Variants in SPATA13 observed in about 807,000 individuals in gnomAD.
SPATA13 encodes spermatogenesis-associated protein 13.
Under a neutral mutation model 104.0 loss-of-function variants are expected in SPATA13, and 50 were observed. The ratio of observed to expected loss-of-function variants is 0.48; its 90% CI spans 0.38 to 0.61. The LOEUF (loss-of-function observed/expected upper bound fraction) is 0.61, where lower values mean the gene tolerates loss of function less well. Ranked by LOEUF, SPATA13 falls within the 20% of genes least tolerant of loss-of-function variation. SPATA13 has a pLI of 0.00. For missense variants in SPATA13, 1,524 were observed against 1,690.6 expected, an observed-to-expected ratio of 0.90 and a Z score of 1.73; for synonymous variants, 606 against 667.5, an observed-to-expected ratio of 0.91 and a Z score of 1.42.
chr13:24,237,397 A>G (rs1872623286), intron 2 of SPATA13, among the ~76,000 whole-genome samples: 1 of 152,198 alleles, frequency 6.6e-6, no homozygotes, highest in Non-Finnish European at 1.5e-5. Context: ...ATGCTGCAGC[A>G]TGGCTGAACC....
intron 1 of SPATA13, among the ~76,000 whole-genome samples, chr13:24,186,276 A>G (rs1869144822): frequency 6.6e-6 from 1 of 152,224 alleles, no homozygotes; most frequent in Non-Finnish European, 1.5e-5. Context: ...TTGCAAAGCA[A>G]AAGTAGAAAA....
At chr13:24,247,089 T>C (rs1475950961) in intron 2 of SPATA13, among the ~76,000 whole-genome samples, 2 of 152,220 alleles carry the variant, frequency 1.3e-5, no homozygotes, top group Non-Finnish European at 2.9e-5. Context: ...TTCAGTTCTT[T>C]TGAGAGGCTC....
At chr13:24,044,233 C>CTTTTTTTTT (rs67709070) in intron 3 of SPATA13, among the ~76,000 whole-genome samples, 2 of 123,010 alleles carry the variant, frequency 1.6e-5, no homozygotes, top group Non-Finnish European at 3.2e-5. Context: ...TTCTTTCTTT[C>CTTTTTTTTT]TTTTTTTTTT....
At chr13:24,220,400 T>G (rs997541437) in intron 1 of SPATA13, among the ~76,000 whole-genome samples, 4 of 152,202 alleles carry the variant, frequency 2.6e-5, no homozygotes, top group African/African-American at 9.7e-5. Flanking sequence ...AGAAGACCAT[T>G]ACTACTAATG....
In SPATA13 at chr13:24,205,509, C is replaced by G. The variant is rs2138579016; in HGVS notation, c.-111-17310C>G. Among the ~76,000 whole-genome samples the G allele has an allele frequency of 6.6e-6, 1 of 152,246 alleles. No individual in the cohort carries two copies. Among genetic ancestry groups the G allele is most frequent in the East Asian group, 1.9e-4 (1 of 5,182 alleles). ...ATATCATAAAAATGGCCATACTGCT[C>G]AAAGCAATTTATCAATTCAATGCTA... On this transcript the variant is annotated intron_variant, in intron 1 of 12. Coordinates refer to ENST00000382108, the MANE Select transcript of SPATA13 (RefSeq NM_001166271.3). The surrounding 1 kb of genome is among the most constrained non-coding windows in gnomAD (Gnocchi z 4.1).
rs116444992 is a variant in SPATA13 at position 24,258,539 on chromosome 13, C to T, written c.2164+6677C>T. On this transcript the variant is annotated intron_variant, in intron 4 of 12. Coordinates refer to ENST00000382108, the MANE Select transcript of SPATA13 (RefSeq NM_001166271.3). The stretch of plus-strand genomic sequence containing the variant: ...AAAAAATTAGCCAAGAGTTGTCGTG[C>T]GTTCCTGTAGTACCAGCTACTCAGG... Among the ~76,000 whole-genome samples, 236 of 151,882 alleles carry T rather than the reference C, an allele frequency of 1.6e-3. 1 individual carries two copies. Among genetic ancestry groups the T allele is most frequent in the African/African-American group, 5.4e-3 (222 of 41,412 alleles).
At chr13:24,285,766 C>T (rs1175002551) in intron 5 of SPATA13, among the ~76,000 whole-genome samples, 1 of 151,832 alleles carries the variant, frequency 6.6e-6, no homozygotes, top group African/African-American at 2.4e-5. Context: ...CTGCAACCTC[C>T]ACCACCTGAG....
At chr13:24,015,560 C>T (rs1876669715) in intron 2 of SPATA13, among the ~76,000 whole-genome samples, 1 of 152,198 alleles carries the variant, frequency 6.6e-6, no homozygotes, top group South Asian at 2.1e-4. Flanking sequence ...TCAGGCCTGA[C>T]CCTGAGCCAG....
intron 3 of SPATA13, among the ~76,000 whole-genome samples, chr13:24,073,349 C>T (rs960143432): frequency 6.6e-6 from 1 of 152,240 alleles, no homozygotes; most frequent in Non-Finnish European, 1.5e-5. Flanking sequence ...GGCTTATGCG[C>T]CATCAGTCAG....
chr13:23,982,813 A>G (rs1184296668), intron 1 of SPATA13, among the ~76,000 whole-genome samples: 1 of 152,214 alleles, frequency 6.6e-6, no homozygotes, highest in Non-Finnish European at 1.5e-5. Flanking sequence ...TGACCGTGTC[A>G]CATGATTTTT....
intron 3 of SPATA13, among the ~76,000 whole-genome samples, chr13:24,120,969 T>C (rs1306930244): frequency 6.6e-6 from 1 of 152,200 alleles, no homozygotes; most frequent in Non-Finnish European, 1.5e-5. Flanking sequence ...GGAATAAAAC[T>C]GCAAGATAAC....
intron 1 of SPATA13, among the ~76,000 whole-genome samples, chr13:24,212,853 C>A (rs1171941305): frequency 2.0e-5 from 3 of 152,222 alleles, no homozygotes; most frequent in Non-Finnish European, 2.9e-5. Flanking sequence ...TTATTGACCC[C>A]TGAAGTTGCT....
intron 3 of SPATA13, among the ~76,000 whole-genome samples, chr13:24,050,448 G>T (rs1343229574): frequency 6.6e-6 from 1 of 152,098 alleles, no homozygotes; most frequent in African/African-American, 2.4e-5. Flanking sequence ...AAACAGCACG[G>T]ATGGGCTGCC....
intron 1 of SPATA13, among the ~76,000 whole-genome samples, chr13:24,179,292 T>C (rs1021417243): frequency 8.5e-5 from 13 of 152,222 alleles, no homozygotes; most frequent in Non-Finnish European, 1.5e-4. Flanking sequence ...GGCATATACC[T>C]ATGCGTGGCA....
chr13:24,040,201 C>A (rs1215285393), intron 3 of SPATA13, among the ~76,000 whole-genome samples: 5 of 152,144 alleles, frequency 3.3e-5, no homozygotes, highest in African/African-American at 1.2e-4. Flanking sequence ...CCAGAGAGAG[C>A]GTTAAGTCAG....
chr13:24,292,003 G>C (rs932234742), intron 9 of SPATA13, among the ~76,000 whole-genome samples: 1 of 151,808 alleles, frequency 6.6e-6, no homozygotes, highest in Non-Finnish European at 1.5e-5. Context: ...TGATCCACCC[G>C]CCTCGGCCTC....
chr13:24,043,097 G>T (rs1205255167), intron 3 of SPATA13, among the ~76,000 whole-genome samples: 2 of 152,160 alleles, frequency 1.3e-5, no homozygotes, highest in Non-Finnish European at 2.9e-5. Context: ...TGTTGGCGAG[G>T]TCACATCTCT....
At chr13:24,144,612 G>A (rs985268794) in intron 3 of SPATA13, among the ~76,000 whole-genome samples, 2 of 152,138 alleles carry the variant, frequency 1.3e-5, no homozygotes, top group African/African-American at 4.8e-5. Flanking sequence ...GTGCCTGCAG[G>A]TTGCTGCCAT....
intron 3 of SPATA13, among the ~76,000 whole-genome samples, chr13:24,085,035 G>A (rs145238759): frequency 1.3e-3 from 202 of 152,274 alleles, no homozygotes; most frequent in African/African-American, 4.2e-3. Flanking sequence ...GTTCGCAGTC[G>A]CCTGGGATTC....
Sources: gnomAD v4.1 joint callset for allele counts (sites outside exome capture counted in the v4.1 genomes callset) on GRCh38, gnomAD v4.1.1 for gene constraint, Gnocchi (gnomAD v3.1) non-coding constraint, MANE v1.5 for transcripts, NCBI Gene and HGNC (gene_info 2026-07-23, HGNC 2026-07-21) for gene names.